SHANK2: variants seen among roughly 807,000 people sequenced by gnomAD.
SHANK2 encodes the protein SH3 and multiple ankyrin repeat domains 2, also known as SH3 and multiple ankyrin repeat domains protein 2.
A neutral mutation model predicts 133.7 loss-of-function variants in SHANK2; 43 were observed. That is an observed-to-expected ratio of 0.32 (90% confidence interval 0.25 to 0.41). SHANK2 has a LOEUF of 0.41. SHANK2 is among the 10% of genes least tolerant of loss of function. SHANK2 has a pLI of 1.00. For missense variants in SHANK2, 1,994 were observed against 2,235.8 expected (o/e 0.89, Z 2.18); for synonymous variants, 1,017 against 952.8 (o/e 1.07, Z -1.24).
At chr11:70,701,537 A>G (rs1945520787) in intron 14 of SHANK2, among the ~76,000 whole-genome samples, 1 of 151,918 alleles carries the variant, frequency 6.6e-6, no homozygotes, top group Admixed American at 6.6e-5. Context: ...AGTAGCTAGG[A>G]CTACAGGTGC....
chr11:70,691,731 A>C (rs1429887791), intron 15 of SHANK2, among the ~76,000 whole-genome samples: 3 of 152,146 alleles, frequency 2.0e-5, no homozygotes, highest in African/African-American at 7.2e-5. Context: ...GTCTCTACTA[A>C]AAATACAAAA....
chr11:70,618,265 G>C (rs1276316884), intron 17 of SHANK2, among the ~76,000 whole-genome samples: 6 of 148,248 alleles, frequency 4.0e-5, no homozygotes, highest in Non-Finnish European at 5.9e-5. Flanking sequence ...CTGCACTCCA[G>C]CCTGGGCAAC....
intron 14 of SHANK2, among the ~76,000 whole-genome samples, chr11:70,764,063 AATCCATCC>A (rs782452712): frequency 4.7e-5 from 6 of 127,098 alleles, no homozygotes; most frequent in South Asian, 2.7e-4. Flanking sequence ...TATACCCACC[AATCCATCC>A]ATCCATCCAT....
intron 15 of SHANK2, among the ~76,000 whole-genome samples, chr11:70,665,754 A>C (rs1312838955): frequency 3.3e-5 from 5 of 152,136 alleles, no homozygotes; most frequent in African/African-American, 1.2e-4. Flanking sequence ...TCTGGCTTGT[A>C]AGTTTTAGGA....
At chr11:71,091,743 C>A (rs1246811465) in intron 8 of SHANK2, among the ~76,000 whole-genome samples, 3 of 152,138 alleles carry the variant, frequency 2.0e-5, no homozygotes, top group Admixed American at 6.5e-5. Context: ...GGCCTGCGGG[C>A]CCCCTCCTCA....
intron 15 of SHANK2, among the ~76,000 whole-genome samples, chr11:70,684,980 G>A (rs1484686524): frequency 6.6e-6 from 1 of 152,132 alleles, no homozygotes; most frequent in African/African-American, 2.4e-5. Context: ...TGGGAATGCT[G>A]TGCTGCAGAA....
chr11:70,599,911 GAAAGAA>G (rs2060463534), intron 17 of SHANK2, among the ~76,000 whole-genome samples: 2 of 44,822 alleles, frequency 4.5e-5, no homozygotes, highest in Non-Finnish European at 9.3e-5. Flanking sequence ...GAAAGAGAAA[GAAAGAA>G]AGAAAGAAAG....
At chr11:70,801,443 T>A (rs1282204312) in intron 13 of SHANK2, among the ~76,000 whole-genome samples, 1 of 152,194 alleles carries the variant, frequency 6.6e-6, no homozygotes, top group Non-Finnish European at 1.5e-5. Context: ...CTGCTGGTCC[T>A]CTTCAGAGAA....
chr11:70,759,597 A>T (rs902782437), intron 14 of SHANK2, among the ~76,000 whole-genome samples: 1 of 152,204 alleles, frequency 6.6e-6, no homozygotes, highest in Admixed American at 6.5e-5. Context: ...CGGCGTTAAC[A>T]CTAAAGGAGA....
chr11:71,224,160 A>G (rs1954602820), intron 2 of SHANK2, among the ~76,000 whole-genome samples: 1 of 152,222 alleles, frequency 6.6e-6, no homozygotes, highest in South Asian at 2.1e-4. Flanking sequence ...GTCAGCGTCA[A>G]CGTTGATAAG....
At chr11:70,493,697 G>A (rs1159409988) in intron 21 of SHANK2, among the ~76,000 whole-genome samples, 1 of 152,178 alleles carries the variant, frequency 6.6e-6, no homozygotes, top group Non-Finnish European at 1.5e-5. Context: ...GACAAAGCCA[G>A]TGTGGTATCT....
At chr11:71,156,125 C>A (rs1326287277) in intron 2 of SHANK2, among the ~76,000 whole-genome samples, 4 of 152,174 alleles carry the variant, frequency 2.6e-5, no homozygotes, top group Admixed American at 6.5e-5. Context: ...CCCTGCCACA[C>A]CTTGATCTTG....
At chr11:71,062,923 A>G (rs942767656) in intron 9 of SHANK2, among the ~76,000 whole-genome samples, 1 of 149,992 alleles carries the variant, frequency 6.7e-6, no homozygotes, top group African/African-American at 2.5e-5. Context: ...CTTGAGCCCA[A>G]GAGGTCGTGG....
At chr11:71,118,035 T>C (rs1307939950) in intron 4 of SHANK2, among the ~76,000 whole-genome samples, 1 of 152,078 alleles carries the variant, frequency 6.6e-6, no homozygotes, top group Non-Finnish European at 1.5e-5. Flanking sequence ...CCAGCTGGTG[T>C]CTGGAGAGGT....
intron 2 of SHANK2, among the ~76,000 whole-genome samples, chr11:71,218,130 C>G (rs7107011): frequency 0.92 from 140,427 of 152,204 alleles, 65,378 homozygotes; most frequent in Non-Finnish European, 1. Context: ...AAAGTGCTGG[C>G]ATTACAGGCA....
intron 2 of SHANK2, among the ~76,000 whole-genome samples, chr11:71,223,569 T>C (rs1329412571): frequency 6.6e-6 from 1 of 152,218 alleles, no homozygotes; most frequent in Non-Finnish European, 1.5e-5. Flanking sequence ...TTAGGTTATA[T>C]GAAAATACTG....
chr11:70,954,846 C>T (rs1046853389), intron 10 of SHANK2, among the ~76,000 whole-genome samples: 73 of 152,210 alleles, frequency 4.8e-4, no homozygotes, highest in African/African-American at 1.2e-3. Context: ...AGGAAGAACA[C>T]GGGGTCTGGC....
intron 17 of SHANK2, among the ~76,000 whole-genome samples, chr11:70,627,596 T>C (rs1176039736): frequency 6.6e-6 from 1 of 152,234 alleles, no homozygotes; most frequent in South Asian, 2.1e-4. Context: ...GGATTGCATA[T>C]ATTTTTGGAT....
intron 11 of SHANK2, among the ~76,000 whole-genome samples, chr11:70,888,532 G>C (rs1173300007): frequency 2.0e-5 from 3 of 152,162 alleles, no homozygotes; most frequent in African/African-American, 7.2e-5. Context: ...ACAGAGAGTA[G>C]GGCCGAGCGC....
Sources: gnomAD v4.1 joint callset for allele counts (sites outside exome capture counted in the v4.1 genomes callset) on GRCh38, gnomAD v4.1.1 for gene constraint, MANE v1.5 for transcripts, NCBI Gene and HGNC (gene_info 2026-07-23, HGNC 2026-07-21) for gene names.